Variants in SLC8A3 observed in about 807,000 individuals in gnomAD.
The protein encoded by SLC8A3 is solute carrier family 8 member A3.
SLC8A3 carries 37 observed loss-of-function variants against 65.4 expected under a neutral mutation model. The ratio of observed to expected loss-of-function variants is 0.57; its 90% CI spans 0.44 to 0.74. The LOEUF (loss-of-function observed/expected upper bound fraction) is 0.74, where lower values mean the gene tolerates loss of function less well. Ranked by LOEUF, SLC8A3 falls within the 30% of genes least tolerant of loss-of-function variation. SLC8A3 has a pLI of 0.00. For synonymous variants in SLC8A3, 461 were observed against 444.5 expected (o/e 1.04, Z -0.47); for missense variants, 1,112 against 1,172.1 (o/e 0.95, Z 0.75).
Position 70,045,005 on chromosome 14 carries a change from CA to C in SLC8A3, c.*941del, listed in dbSNP as rs1168923656. ...CTTCCAGTAGCCCTTTGTCGTCACA[CA>C]CCATTCCTATTTTTGTCCCATCTCT... On this transcript the variant is annotated 3_prime_UTR_variant, in exon 7 of 7. Coordinates refer to ENST00000356921, the MANE Select transcript of SLC8A3 (RefSeq NM_182932.3). 1 of 152,212 alleles carries C rather than the reference CA, an allele frequency of 6.6e-6. No individual in the cohort carries two copies. Among genetic ancestry groups the C allele is most frequent in the Non-Finnish European group, 1.5e-5 (1 of 68,058 alleles). The allele number at this position is 152,212 out of a possible 1,614,324, so 9.4% of individuals were successfully genotyped here.
chr14:70,140,428 T>A (rs1895488596), intron 2 of SLC8A3, among the ~76,000 whole-genome samples: 1 of 152,070 alleles, frequency 6.6e-6, no homozygotes, highest in South Asian at 2.1e-4. Context: ...ACAAGAAGGG[T>A]TATCATGGCT....
intron 1 of SLC8A3, among the ~76,000 whole-genome samples, chr14:70,179,326 T>C (rs1882521822): frequency 6.6e-6 from 1 of 152,226 alleles, no homozygotes. Flanking sequence ...TTTGCTTTTT[T>C]ACTAGTTTAT....
chr14:70,183,418 A>T (rs1480594175), intron 1 of SLC8A3, among the ~76,000 whole-genome samples: 1 of 152,166 alleles, frequency 6.6e-6, no homozygotes, highest in Non-Finnish European at 1.5e-5. Context: ...CATGGACCTA[A>T]ATTCTAACCC....
chr14:70,185,912 G>A (rs28520164), intron 1 of SLC8A3, among the ~76,000 whole-genome samples: 6,197 of 152,278 alleles, frequency 0.041, 229 homozygotes, highest in South Asian at 0.16. Context: ...GACAGAGTAG[G>A]TGGCTGTTGA....
intron 2 of SLC8A3, among the ~76,000 whole-genome samples, chr14:70,081,527 G>T (rs980425124): frequency 6.6e-6 from 1 of 152,172 alleles, no homozygotes; most frequent in Non-Finnish European, 1.5e-5. Context: ...TTTTCCAACT[G>T]CCCTCTGGGC....
At chr14:70,133,914 C>T (rs545726347) in intron 2 of SLC8A3, among the ~76,000 whole-genome samples, 5 of 152,170 alleles carry the variant, frequency 3.3e-5, no homozygotes, top group Non-Finnish European at 5.9e-5. Flanking sequence ...TTCTCAGTTT[C>T]ATGTTCTCCT....
Position 70,049,096 on chromosome 14 carries a change from C to A in SLC8A3, c.2114-54G>T. The A allele has an allele frequency of 2.0e-6, 3 of 1,538,138 alleles. No individual in the cohort carries two copies. The South Asian group carries it at 3.7e-5, about 19-fold the overall frequency. On this transcript the variant is annotated intron_variant, in intron 5 of 6. Coordinates refer to ENST00000356921, the MANE Select transcript of SLC8A3 (RefSeq NM_182932.3). ...CGGGTAACGAAGTCAGATAATCATT[C>A]ATGAGAAAGTCAAGCCCAACCCGCA...
chr14:70,140,347 T>A (rs1156385354), intron 2 of SLC8A3, among the ~76,000 whole-genome samples: 1 of 152,198 alleles, frequency 6.6e-6, no homozygotes, highest in Non-Finnish European at 1.5e-5. Flanking sequence ...ATATAATGTG[T>A]GTATATACAA....
At chr14:70,121,316 G>A (rs1415577707) in intron 2 of SLC8A3, among the ~76,000 whole-genome samples, 2 of 152,162 alleles carry the variant, frequency 1.3e-5, no homozygotes, top group Non-Finnish European at 2.9e-5. Context: ...GCCCCATGGA[G>A]GAGCCAGGTG....
At chr14:70,047,840 G>C (rs1399597791) in intron 6 of SLC8A3, 2 of 152,288 alleles carry the variant, frequency 1.3e-5, no homozygotes, top group African/African-American at 2.4e-5. Context: ...ACCTGGGCTA[G>C]TGCAGCCCCT....
intron 2 of SLC8A3, among the ~76,000 whole-genome samples, chr14:70,150,611 C>T (rs10142529): frequency 0.12 from 17,623 of 152,202 alleles, 1,090 homozygotes; most frequent in Middle Eastern, 0.16. Context: ...TTGTCACAGA[C>T]AGCCATAGCT....
At chr14:70,115,298 G>A (rs1481661054) in intron 2 of SLC8A3, among the ~76,000 whole-genome samples, 3 of 152,150 alleles carry the variant, frequency 2.0e-5, no homozygotes, top group Non-Finnish European at 4.4e-5. Context: ...CTCAGAATTT[G>A]AGGAAGGAGC....
chr14:70,150,477 G>C lies in SLC8A3; in HGVS notation c.1784+16162C>G, dbSNP rs1188538990. ...GGTGATTTTATTGTGGCAATGATGA[G>C]GCAAACTTCTGTCTTGAACTCATCA... On this transcript the variant is annotated intron_variant, in intron 2 of 6. Transcript: ENST00000356921. Among the ~76,000 whole-genome samples, 3 of 152,122 alleles carry C rather than the reference G, an allele frequency of 2.0e-5. No homozygotes were observed. In the East Asian group the frequency reaches 5.8e-4, roughly 29 times the overall value.
At chr14:70,052,626 C>T (rs758459294) in intron 3 of SLC8A3, among the ~76,000 whole-genome samples, 1 of 152,116 alleles carries the variant, frequency 6.6e-6, no homozygotes, top group Non-Finnish European at 1.5e-5. Context: ...TGTTTTTCCA[C>T]TTTGGCTGAT....
intron 1 of SLC8A3, among the ~76,000 whole-genome samples, chr14:70,176,838 AATG>A (rs1897938965): frequency 6.6e-6 from 1 of 152,206 alleles, no homozygotes; most frequent in South Asian, 2.1e-4. Context: ...TTTGTAGGAA[AATG>A]ATGCTATTCG....
At chr14:70,116,196 G>A (rs1033477983) in intron 2 of SLC8A3, among the ~76,000 whole-genome samples, 7 of 152,126 alleles carry the variant, frequency 4.6e-5, no homozygotes, top group Non-Finnish European at 7.3e-5. Flanking sequence ...TAAATATGGC[G>A]CTTGGGTCTT....
rs116564421 is a variant in SLC8A3, at chr14:70,102,224, G to C, written c.1785-41285C>G. ...TCAGGCAATAGAAATAAATGTGATA[G>C]AAGTAAGGAGCATACAATAGAGCAA... On this transcript the variant is annotated intron_variant, in intron 2 of 6. Transcript: ENST00000356921. Among the ~76,000 whole-genome samples, 449 of 152,298 alleles carry C rather than the reference G, an allele frequency of 2.9e-3. 1 individual carries two copies. The highest frequency in any genetic ancestry group is 0.011 in the African/African-American group (441 of 41,560).
chr14:70,055,660 C>T (rs1888023965), intron 3 of SLC8A3: 2 of 670,156 alleles, frequency 3.0e-6, no homozygotes, highest in African/African-American at 1.8e-5. Context: ...AATAAATCTC[C>T]CAGTCCTTGG....
chr14:70,055,646 G>T, intron 3 of SLC8A3: 1 of 620,216 alleles, frequency 1.6e-6, no homozygotes, highest in Non-Finnish European at 2.7e-6. Flanking sequence ...TCTTCATGTG[G>T]GAAAATAAAT....
Sources: allele counts gnomAD v4.1 joint callset (sites outside exome capture counted in the v4.1 genomes callset), GRCh38; gene constraint gnomAD v4.1.1; transcripts MANE v1.5; gene names NCBI Gene and HGNC (gene_info 2026-07-23, HGNC 2026-07-21).